The following TMOD2 variants were observed in gnomAD, a reference collection of about 807,000 sequenced individuals.
TMOD2 encodes the protein tropomodulin-2.
Under a neutral mutation model 39.9 loss-of-function variants are expected in TMOD2, and 22 were observed. That is an observed-to-expected ratio of 0.55 (90% CI 0.39 to 0.79). TMOD2 has a LOEUF of 0.79. Among genes scored for constraint, TMOD2 ranks in the 30% least tolerant of loss-of-function variants. The pLI, the probability that TMOD2 is intolerant of heterozygous loss-of-function variation, is 0.00. For missense variants in TMOD2, 386 were observed against 413.3 expected, an observed-to-expected ratio of 0.93 and a Z score of 0.57; for synonymous variants, 123 against 146.1, an observed-to-expected ratio of 0.84 and a Z score of 1.14.
At chr15:51,782,630 C>A in intron 6 of TMOD2, 91 bp from the exon 7 acceptor site, 1 of 975,436 alleles carries the variant, frequency 1.0e-6, no homozygotes, top group South Asian at 1.4e-5. Flanking sequence ...TTTATCTACA[C>A]ATACCTGGTA....
At chr15:51,803,477 G>C (rs2056103548) in intron 8 of TMOD2, among the ~76,000 whole-genome samples, 1 of 152,042 alleles carries the variant, frequency 6.6e-6, no homozygotes, top group African/African-American at 2.4e-5. Context: ...CACCATGCCT[G>C]GCCCTATCTT....
At chr15:51,780,092 A>G (rs2055919459) in intron 5 of TMOD2, among the ~76,000 whole-genome samples, 1 of 152,246 alleles carries the variant, frequency 6.6e-6, no homozygotes, top group African/African-American at 2.4e-5. Context: ...TTTTGCTGTC[A>G]CAAGTAATAT....
intron 1 of TMOD2, among the ~76,000 whole-genome samples, chr15:51,757,401 CAAAAAAAAAAA>C (rs3078133): frequency 1.2e-5 from 1 of 81,906 alleles, no homozygotes; most frequent in African/African-American, 4.8e-5. Context: ...GACTCCGTCT[CAAAAAAAAAAA>C]AAAAAAAAAA....
intron 7 of TMOD2, 163 bp downstream of exon 7, chr15:51,782,991 T>C (rs2055941981): frequency 1.6e-6 from 1 of 606,166 alleles, no homozygotes; most frequent in Non-Finnish European, 2.9e-6. Flanking sequence ...ACTTCAGAAC[T>C]GAACTGTCAG....
Position 51,808,447 on chromosome 15 carries a change from G to T in TMOD2, c.1049G>T (p.Arg350Leu), listed in dbSNP as rs371289123. Residue 350 changes from arginine (R) to leucine (L), a missense_variant, in exon 10 of 10, where the codon CGA (arginine) becomes CTA (leucine). By Grantham distance (102) the Arg-to-Leu change is moderately radical. Transcript: ENST00000249700. ...LVRKKRVEADRR is the reference protein window; with the variant it reads ...LVRKKRVEADLR ...CGTAAGAAGAGAGTTGAAGCAGACC[G>T]AAGGTAAACTTCCTTGAGGAGAAGT... is the stretch of plus-strand genomic sequence containing the variant. 1 of 1,612,220 alleles carries T rather than the reference G, an allele frequency of 6.2e-7. No individual in the cohort carries two copies. The highest frequency in any genetic ancestry group is 8.5e-7 in the Non-Finnish European group (1 of 1,178,994).
intron 7 of TMOD2, among the ~76,000 whole-genome samples, chr15:51,793,636 T>C (rs945152217): frequency 1.3e-5 from 2 of 152,260 alleles, no homozygotes; most frequent in Non-Finnish European, 2.9e-5. Context: ...TGTAATATGC[T>C]CAAATATTTG....
intron 3 of TMOD2, among the ~76,000 whole-genome samples, chr15:51,770,558 T>G (rs976389498): frequency 4.6e-5 from 7 of 152,020 alleles, no homozygotes; most frequent in African/African-American, 1.7e-4. Context: ...TGAGGCAGAG[T>G]GCTACTGCCT....
intron 1 of TMOD2, among the ~76,000 whole-genome samples, chr15:51,765,432 T>A (rs1316269683): frequency 6.6e-6 from 1 of 152,246 alleles, no homozygotes; most frequent in East Asian, 1.9e-4. Context: ...TCTTTGTATT[T>A]CTGTTTGCTA....
chr15:51,812,653 C>T lies in TMOD2; in HGVS notation c.*4199C>T, dbSNP rs1385556510. The T allele has an allele frequency of 6.6e-6, 1 of 152,158 alleles. No homozygotes were observed. The highest frequency in any genetic ancestry group is 2.4e-5 in the African/African-American group (1 of 41,440). 9.4% of individuals were successfully genotyped at this position (152,158 alleles called of 1,614,324 possible). ...CCATATTTAATTCAAGTATTTATAG[C>T]ATCAGCAAAAATGGGCAGAGGGCGG... On this transcript the variant is annotated 3_prime_UTR_variant, in exon 10 of 10. Transcript: ENST00000249700.
chr15:51,797,834 G>T (rs1187473451), intron 7 of TMOD2, among the ~76,000 whole-genome samples: 1 of 148,966 alleles, frequency 6.7e-6, no homozygotes, highest in Admixed American at 6.7e-5. Flanking sequence ...GGGTTTTCTG[G>T]GATTATGTCC....
intron 7 of TMOD2, among the ~76,000 whole-genome samples, chr15:51,797,202 A>C (rs1160764275): frequency 6.6e-6 from 1 of 151,936 alleles, no homozygotes; most frequent in Admixed American, 6.6e-5. Flanking sequence ...TTCCCCCCAC[A>C]CTGTACTGGT....
At chr15:51,782,510 A>G (rs570036526) in intron 6 of TMOD2, among the ~76,000 whole-genome samples, 47 of 152,196 alleles carry the variant, frequency 3.1e-4, no homozygotes, top group Non-Finnish European at 5.9e-4. Context: ...CAGAGGTACC[A>G]TAGTGGTAGT....
At chr15:51,788,889 G>C (rs1402570351) in intron 7 of TMOD2, among the ~76,000 whole-genome samples, 1 of 152,166 alleles carries the variant, frequency 6.6e-6, no homozygotes, top group Non-Finnish European at 1.5e-5. Context: ...ACCAGTACCA[G>C]CCACTGCAAA....
intron 8 of TMOD2, among the ~76,000 whole-genome samples, chr15:51,800,521 G>C (rs1157810187): frequency 6.6e-6 from 1 of 151,840 alleles, no homozygotes; most frequent in Non-Finnish European, 1.5e-5. Flanking sequence ...GGGTGACAGA[G>C]CAAGACCGTG....
intron 7 of TMOD2, chr15:51,783,068 G>C (rs1038085734): frequency 2.0e-6 from 1 of 489,566 alleles, no homozygotes; most frequent in South Asian, 2.2e-5. Flanking sequence ...GATAAGTTTG[G>C]CATTTAACTA....
intron 7 of TMOD2, among the ~76,000 whole-genome samples, chr15:51,791,649 A>G (rs1356289600): frequency 6.6e-6 from 1 of 152,250 alleles, no homozygotes; most frequent in East Asian, 1.9e-4. Flanking sequence ...TACTGGTACC[A>G]AAACAGATAC....
At chr15:51,805,332 A>G (rs927044298) in intron 8 of TMOD2, among the ~76,000 whole-genome samples, 5 of 152,160 alleles carry the variant, frequency 3.3e-5, no homozygotes, top group African/African-American at 1.2e-4. Context: ...CAAACAAAAA[A>G]ACCTCTTCCC....
At chr15:51,781,798 G>C (rs1382066099) in intron 6 of TMOD2, among the ~76,000 whole-genome samples, 1 of 117,398 alleles carries the variant, frequency 8.5e-6, no homozygotes, top group East Asian at 2.0e-4. Context: ...CAAAGGGAAA[G>C]AGTAGGAGAG....
intron 8 of TMOD2, 128 bp downstream of exon 8, chr15:51,798,468 T>A: frequency 8.4e-7 from 1 of 1,192,284 alleles, no homozygotes; most frequent in Non-Finnish European, 1.2e-6. Context: ...GGATTTCCTG[T>A]AAGTTTTAGA....
Sources: gnomAD v4.1 joint callset for allele counts (sites outside exome capture counted in the v4.1 genomes callset) on GRCh38, gnomAD v4.1.1 for gene constraint, MANE v1.5 for transcripts, NCBI Gene and HGNC (gene_info 2026-07-23, HGNC 2026-07-21) for gene names.